GBF1: variants seen among roughly 807,000 people sequenced by gnomAD.
GBF1 encodes golgi brefeldin A resistant guanine nucleotide exchange factor 1, also known as Golgi-specific brefeldin A-resistance guanine nucleotide exchange factor 1.
A neutral mutation model predicts 210.5 loss-of-function variants in GBF1; 114 were observed. The ratio of observed to expected loss-of-function variants is 0.54; its 90% CI spans 0.47 to 0.63. The LOEUF is 0.63. Among genes scored for constraint, GBF1 ranks in the 30% least tolerant of loss-of-function variants. The pLI is 0.00. For missense variants in GBF1, 1,851 were observed against 2,357.7 expected (o/e 0.79, Z 4.45); for synonymous variants, 850 against 889.2 (o/e 0.96, Z 0.78).
Position 102,359,277 on chromosome 10 carries a change from C to A in GBF1, c.1022C>A (p.Thr341Asn). Residue 341 changes from threonine (T) to asparagine (N), a missense_variant, in exon 11 of 40, where the codon ACC (threonine) becomes AAC (asparagine). Physicochemically the swap from Thr to Asn is moderately conservative, Grantham distance 65. This residue lies in a region of GBF1 where 804 missense variants were observed against 958.6 expected (regional missense o/e 0.84). Coordinates refer to ENST00000369983, the MANE Select transcript of GBF1 (RefSeq NM_001377137.1). Reference sequence around the variant, plus strand: ...TGCTACTGGTCATAGCAGGAAGGGACCCATGTGGAAAAGTCCCAGTCAGCA... The same window carrying A: ...TGCTACTGGTCATAGCAGGAAGGGAACCATGTGGAAAAGTCCCAGTCAGCA... Reference protein sequence around the residue: ...PEQPDLQQEGTHVEKSQSASV... With the variant: ...PEQPDLQQEGNHVEKSQSASV... 1 of 1,610,794 alleles carries A rather than the reference C, an allele frequency of 6.2e-7. No homozygotes were observed. The highest frequency in any genetic ancestry group is 1.7e-4 in the Middle Eastern group (1 of 6,058).
intron 3 of GBF1, among the ~76,000 whole-genome samples, chr10:102,324,759 G>A (rs1262755846): frequency 6.6e-6 from 1 of 151,966 alleles, no homozygotes; most frequent in East Asian, 1.9e-4. Context: ...GCTAATTTTT[G>A]TATTTTTTAG....
chr10:102,231,228 G>A, the GBF1 span: 1 of 948,400 alleles, frequency 1.1e-6, no homozygotes, highest in Non-Finnish European at 1.5e-6. Context: ...GGCTAGAGAC[G>A]GGGTGGGAGG....
intron 3 of GBF1, among the ~76,000 whole-genome samples, chr10:102,279,080 T>G (rs1248696747): frequency 6.6e-6 from 1 of 152,262 alleles, no homozygotes; most frequent in African/African-American, 2.4e-5. Context: ...TTAAAATACT[T>G]GTTCTTAGGT....
In GBF1 at chr10:102,252,066, G is replaced by A. The variant is rs923402383; in HGVS notation, c.-11+6285G>A. 3.9e-5 allele frequency among the ~76,000 whole-genome samples: 6 copies of A among 151,998 alleles called. 1 individual carries two copies. The South Asian group carries it at 1.0e-3, about 26-fold the overall frequency. On this transcript the variant is annotated intron_variant, in intron 1 of 39. Transcript: ENST00000369983. ...AAAAAAGTGGAAAAAAGGGCTGGGCGCAGTGGCTCACACCTGTAATCCCAG... is the reference window on the plus strand; with the variant it reads ...AAAAAAGTGGAAAAAAGGGCTGGGCACAGTGGCTCACACCTGTAATCCCAG...
At chr10:102,381,308 A>C in intron 39 of GBF1, 53 bp downstream of exon 39, 1 of 1,587,048 alleles carries the variant, frequency 6.3e-7, no homozygotes, top group Non-Finnish European at 8.6e-7. Context: ...CAGGGGGCCT[A>C]AGAGGAGGCC....
At chr10:102,381,917 C>A in intron 39 of GBF1, 139 bp from the exon 40 acceptor site, 2 of 518,782 alleles carry the variant, frequency 3.9e-6, no homozygotes, top group African/African-American at 2.0e-5. Flanking sequence ...AGACTCCCAA[C>A]TTTTTAGGCT....
rs778120294 is a variant in GBF1, at chr10:102,370,764, T to C, written c.3564T>C (p.Val1188=). The C allele has an allele frequency of 2.5e-5, 41 of 1,613,958 alleles. No homozygotes were observed. The highest frequency in any genetic ancestry group is 3.3e-5 in the Non-Finnish European group (39 of 1,179,946). Residue 1188 remains valine, a synonymous_variant, in exon 29 of 40, where the codon GTT becomes GTC. Coordinates refer to ENST00000369983, the MANE Select transcript of GBF1 (RefSeq NM_001377137.1). The part of the protein sequence containing the change: ...TVRDHLYHLC[V]QAQDFCFLVE... ...GAGACCATCTATACCACCTCTGTGT[T>C]CAGGCACAAGATTTCTGCTTCCTTG...
intron 12 of GBF1, 35 bp downstream of exon 12, chr10:102,360,430 TTTCA>T: frequency 5.8e-6 from 8 of 1,388,706 alleles, no homozygotes; most frequent in Non-Finnish European, 8.2e-6. Context: ...TCAGAGCCTC[TTTCA>T]AGGGCCAGGG....
intron 25 of GBF1, 21 bp downstream of exon 25, chr10:102,369,796 CAG>C (rs2060107058): frequency 1.2e-6 from 2 of 1,614,114 alleles, no homozygotes; most frequent in South Asian, 1.1e-5. Flanking sequence ...ACCAGAGGCT[CAG>C]GGGCTTGGGG....
intron 4 of GBF1, 137 bp downstream of exon 4, chr10:102,344,319 G>A: frequency 1.3e-6 from 1 of 743,604 alleles, no homozygotes; most frequent in Non-Finnish European, 2.3e-6. Flanking sequence ...AGAGAAATAG[G>A]ATTGTTGTTG....
chr10:102,232,681 CA>C, the GBF1 span, among the ~76,000 whole-genome samples: 2 of 149,872 alleles, frequency 1.3e-5, no homozygotes, highest in East Asian at 2.0e-4. Flanking sequence ...GATGCTGTCT[CA>C]AAAAACAACA....
intron 3 of GBF1, 101 bp from the exon 4 acceptor site, chr10:102,343,950 A>G (rs776863050): frequency 7.0e-5 from 60 of 854,030 alleles, no homozygotes; most frequent in Non-Finnish European, 1.1e-4. Flanking sequence ...GATTGACCCA[A>G]CAACAAAGAC....
In GBF1 at chr10:102,350,291, A is replaced by T. The variant is rs528250232; in HGVS notation, c.296-965A>T. Among the ~76,000 whole-genome samples the T allele has an allele frequency of 2.6e-5, 4 of 152,012 alleles. No individual in the cohort carries two copies. In the East Asian group the frequency reaches 7.7e-4, roughly 29 times the overall value. On this transcript the variant is annotated intron_variant, in intron 4 of 39. Coordinates refer to ENST00000369983, the MANE Select transcript of GBF1 (RefSeq NM_001377137.1). ...CTTGAACCTAGGAGACGGAGGTTGC[A>T]GTGAGCCAGGATCTCACCATAGCAC...
At chr10:102,269,879 A>G (rs939299543) in intron 3 of GBF1, among the ~76,000 whole-genome samples, 1 of 150,874 alleles carries the variant, frequency 6.6e-6, no homozygotes, top group Non-Finnish European at 1.5e-5. Context: ...CATTCTCTCC[A>G]ATTTTTTTTT....
In GBF1 at chr10:102,368,746, G is replaced by A. The variant is rs147884416; in HGVS notation, c.2887G>A (p.Ala963Thr). The stretch of plus-strand genomic sequence containing the variant: ...TGGGGGGTAACATTACAGGAAGTGC[G>A]CCATGATCTCCGCCCACTATGGCCT... ...QKAISGFRKCAMISAHYGLSD... is the reference protein window; with the variant it reads ...QKAISGFRKCTMISAHYGLSD... Residue 963 changes from alanine (A) to threonine (T), a missense_variant, in exon 23 of 40, where the codon GCC (alanine) becomes ACC (threonine). Ala to Thr is a moderately conservative substitution (Grantham distance 58, BLOSUM62 0). Around this residue, in one of 3 missense-constraint regions of GBF1, gnomAD observed 967 missense variants for 1,247.7 expected, o/e 0.78. Coordinates refer to ENST00000369983, the MANE Select transcript of GBF1 (RefSeq NM_001377137.1). 112 of 1,611,082 alleles carry A rather than the reference G, an allele frequency of 7.0e-5. No homozygotes were observed. The African/African-American group carries it at 1.1e-3, about 16-fold the overall frequency.
intron 4 of GBF1, among the ~76,000 whole-genome samples, chr10:102,348,546 G>A (rs2058729628): frequency 6.6e-6 from 1 of 152,220 alleles, no homozygotes; most frequent in Non-Finnish European, 1.5e-5. Context: ...GGGCCCTGGT[G>A]GCCTGGGTAG....
intron 1 of GBF1, among the ~76,000 whole-genome samples, chr10:102,253,853 A>G (rs548816594): frequency 1.3e-5 from 2 of 152,214 alleles, no homozygotes; most frequent in South Asian, 2.1e-4. Context: ...TCAGGAATGT[A>G]AAGTGGTATA....
Position 102,363,714 on chromosome 10 carries a change from CAA to C in GBF1, c.2026_2027del (p.Lys676ValfsTer20). On this transcript the variant is annotated frameshift_variant, in exon 17 of 40. Transcript: ENST00000369983. LOFTEE classifies it high-confidence loss of function. This position sits in a 1 kb window ranked among gnomAD's most constrained non-coding sequence, Gnocchi z 4.2. ...LEEAVDSGAD[K>X]KFARKPPRFS... The stretch of plus-strand genomic sequence containing the variant: ...CCCTCTTCTTCCTACTCCTAGCTGA[CAA>C]AAAGTTTGCCCGGAAGCCACCCCGA... The C allele has an allele frequency of 6.2e-7, 1 of 1,608,568 alleles. No homozygotes were observed. The highest frequency in any genetic ancestry group is 8.5e-7 in the Non-Finnish European group (1 of 1,174,996).
At position 102,379,965 on chromosome 10, in the gene GBF1, C is replaced by T. The variant is rs1443675824; in HGVS notation, c.4878+11C>T. 7 of 1,515,556 alleles carry T rather than the reference C, an allele frequency of 4.6e-6. No individual in the cohort carries two copies. The South Asian group carries it at 6.8e-5, about 15-fold the overall frequency. The allele number at this position is 1,515,556 out of a possible 1,614,324, so 93.9% of individuals were successfully genotyped here. A position where few individuals can be genotyped will look rare whatever the true frequency, so the allele number is the denominator to read the frequency against. On this transcript the variant is annotated intron_variant, in intron 36 of 39. Transcript: ENST00000369983. ...ACATTGCTCTCTAAGGTACTGCTCACCACCCTATACCCACCCTCTCTCCCA... is the reference window on the plus strand; with the variant it reads ...ACATTGCTCTCTAAGGTACTGCTCATCACCCTATACCCACCCTCTCTCCCA...
Sources: allele counts gnomAD v4.1 joint callset (sites outside exome capture counted in the v4.1 genomes callset), GRCh38; gene constraint gnomAD v4.1.1; regional missense constraint gnomAD v4.1.1; non-coding constraint Gnocchi (gnomAD v3.1); transcripts MANE v1.5; gene names NCBI Gene and HGNC (gene_info 2026-07-23, HGNC 2026-07-21).